SORCS1: variants seen among roughly 807,000 people sequenced by gnomAD.
The protein encoded by SORCS1 is sortilin related VPS10 domain containing receptor 1, also known as VPS10 domain-containing receptor SorCS1.
In SORCS1, 60 loss-of-function variants were observed where a neutral mutation model predicts 146.1. The ratio of observed to expected loss-of-function variants is 0.41; its 90% CI spans 0.33 to 0.51. The LOEUF (loss-of-function observed/expected upper bound fraction) is 0.51. Among genes scored for constraint, SORCS1 ranks in the 20% least tolerant of loss-of-function variants. The pLI, the probability that SORCS1 is intolerant of heterozygous loss-of-function variation, is 0.21. For missense variants in SORCS1, 1,352 were observed against 1,487.6 expected, an observed-to-expected ratio of 0.91 and a Z score of 1.50; for synonymous variants, 637 against 584.0, an observed-to-expected ratio of 1.09 and a Z score of -1.31.
chr10:107,129,300 T>A (rs1966845960), intron 1 of SORCS1, among the ~76,000 whole-genome samples: 1 of 152,214 alleles, frequency 6.6e-6, no homozygotes, highest in East Asian at 1.9e-4. Context: ...CAAAAATAAA[T>A]TTAACTAGAA....
At chr10:106,888,478 T>C (rs1335350056) in intron 2 of SORCS1, among the ~76,000 whole-genome samples, 1 of 80,472 alleles carries the variant, frequency 1.2e-5, no homozygotes, top group Non-Finnish European at 3.9e-5. Context: ...GGGTCAGTAT[T>C]TAGCTAAGTA....
In SORCS1 at chr10:106,705,903, C is replaced by T. The variant is rs138181650; in HGVS notation, c.1233+642G>A. On this transcript the variant is annotated intron_variant, in intron 8 of 25. Transcript: ENST00000263054. ...TTGGGGAAGTCTAAAAAATTAGCTG[C>T]GACTCAGAACTCTAAAGACAACCAG... 6.2e-3 allele frequency among the ~76,000 whole-genome samples: 936 copies of T among 152,192 alleles called. 9 individuals carry two copies. In the Middle Eastern group the frequency reaches 0.071, roughly 12 times the overall value.
chr10:106,642,102 G>C (rs1849109547), intron 18 of SORCS1, among the ~76,000 whole-genome samples: 1 of 152,172 alleles, frequency 6.6e-6, no homozygotes, highest in Non-Finnish European at 1.5e-5. Context: ...ATGCAGAGGA[G>C]ATGGAAATTA....
chr10:106,947,848 A>G lies in SORCS1; in HGVS notation c.626+8665T>C, dbSNP rs550201091. Among the ~76,000 whole-genome samples the G allele has an allele frequency of 8.5e-4, 129 of 152,292 alleles. 2 individuals carry two copies. Among genetic ancestry groups the G allele is most frequent in the African/African-American group, 2.9e-3 (119 of 41,570 alleles). On this transcript the variant is annotated intron_variant, in intron 2 of 25. Coordinates refer to ENST00000263054, the MANE Select transcript of SORCS1 (RefSeq NM_052918.5). ...AGTGAAACTCCATCTCAAAAAAAAA[A>G]AAGAGAAAAAGAAACTAGAGCTACA...
At chr10:107,096,721 A>G (rs1269659888) in intron 1 of SORCS1, among the ~76,000 whole-genome samples, 1 of 152,156 alleles carries the variant, frequency 6.6e-6, no homozygotes, top group African/African-American at 2.4e-5. Flanking sequence ...CATTTTGGCC[A>G]GGCTGGTCTC....
chr10:107,071,922 C>A (rs992268635), intron 1 of SORCS1, among the ~76,000 whole-genome samples: 1 of 152,122 alleles, frequency 6.6e-6, no homozygotes, highest in African/African-American at 2.4e-5. Flanking sequence ...AACAGGTTGG[C>A]AATATGAAAA....
chr10:106,891,770 AT>A (rs1185168599), intron 2 of SORCS1, among the ~76,000 whole-genome samples: 1 of 152,152 alleles, frequency 6.6e-6, no homozygotes, highest in Non-Finnish European at 1.5e-5. Context: ...TTTTGTCTTA[AT>A]TTAGGGCTTC....
chr10:106,873,577 C>A lies in SORCS1; in HGVS notation c.627-43904G>T, dbSNP rs374779134. 1.9e-3 allele frequency among the ~76,000 whole-genome samples: 283 copies of A among 152,170 alleles called. 3 individuals carry two copies. Among genetic ancestry groups the A allele is most frequent in the African/African-American group, 3.8e-3 (159 of 41,508 alleles). On this transcript the variant is annotated intron_variant, in intron 2 of 25. Transcript: ENST00000263054. Reference sequence around the variant, plus strand: ...TAAACTCTTCCTAAACCATTTTGGCCCTATGACTTATTTATTACCCCTGCC... The same window carrying A: ...TAAACTCTTCCTAAACCATTTTGGCACTATGACTTATTTATTACCCCTGCC...
rs61734226 is a variant in SORCS1, at chr10:106,652,491, G to C, written c.2366C>G (p.Pro789Arg). The C allele has an allele frequency of 5.0e-6, 8 of 1,614,068 alleles. No homozygotes were observed. The Admixed American group carries it at 1.0e-4, about 20-fold the overall frequency. Residue 789 changes from proline to arginine, a missense_variant, in exon 18 of 26, where the codon CCG becomes CGG. By Grantham distance (103) the Pro-to-Arg change is moderately radical. Transcript: ENST00000263054. The part of the protein sequence containing the change: ...DGVREQYTAK[P>R]QKCPGKAPRG... ...CGGGGCTTTCCCTGGGCACTTCTGCGGTTTGGCAGTGTACTGTTCCCTTAC... is the reference window on the plus strand; with the variant it reads ...CGGGGCTTTCCCTGGGCACTTCTGCCGTTTGGCAGTGTACTGTTCCCTTAC...
At chr10:107,153,757 C>T (rs1184033316) in intron 1 of SORCS1, among the ~76,000 whole-genome samples, 4 of 152,164 alleles carry the variant, frequency 2.6e-5, no homozygotes, top group Non-Finnish European at 5.9e-5. Flanking sequence ...TTTGCTCTCT[C>T]TTTCATTTAT....
intron 1 of SORCS1, among the ~76,000 whole-genome samples, chr10:107,022,838 T>C (rs561477280): frequency 1.3e-5 from 2 of 152,300 alleles, no homozygotes; most frequent in South Asian, 2.1e-4. Flanking sequence ...TTCTGGGTCT[T>C]ACCTCCAAGA....
rs1346209155 is a variant in SORCS1 at position 106,925,589 on chromosome 10, C to T, written c.626+30924G>A. Among the ~76,000 whole-genome samples, 4 of 152,172 alleles carry T rather than the reference C, an allele frequency of 2.6e-5. No individual in the cohort carries two copies. In the East Asian group the frequency reaches 5.8e-4, roughly 22 times the overall value. ...AGCAGCAATCTCTTCCCTCACTGTT[C>T]CCTCCACTTAACAAAGGCTTTTGAG... On this transcript the variant is annotated intron_variant, in intron 2 of 25. Coordinates refer to ENST00000263054, the MANE Select transcript of SORCS1 (RefSeq NM_052918.5).
chr10:106,724,318 C>T (rs951327485), intron 6 of SORCS1, among the ~76,000 whole-genome samples: 2 of 152,010 alleles, frequency 1.3e-5, no homozygotes, highest in African/African-American at 2.4e-5. Flanking sequence ...ACCAGTCTGA[C>T]CAACATGGTG....
intron 2 of SORCS1, among the ~76,000 whole-genome samples, chr10:106,871,243 C>G (rs886627035): frequency 6.6e-6 from 1 of 152,198 alleles, no homozygotes. Context: ...CACTTATACA[C>G]TATTGGTGGG....
chr10:106,604,603 T>C (rs914967055), intron 23 of SORCS1, among the ~76,000 whole-genome samples: 1 of 152,242 alleles, frequency 6.6e-6, no homozygotes, highest in Non-Finnish European at 1.5e-5. Context: ...TTTCTTTTCA[T>C]GCTATAAATC....
At chr10:106,738,952 T>C (rs1264801027) in intron 5 of SORCS1, among the ~76,000 whole-genome samples, 6 of 152,144 alleles carry the variant, frequency 3.9e-5, no homozygotes, top group Admixed American at 2.0e-4. Flanking sequence ...CCTCCCAAAG[T>C]TCTGAGATGA....
intron 3 of SORCS1, among the ~76,000 whole-genome samples, chr10:106,827,287 C>T (rs183498242): frequency 2.6e-5 from 4 of 151,436 alleles, no homozygotes; most frequent in Admixed American, 2.0e-4. Context: ...AGGTCTCTTC[C>T]AGGCATAAAT....
At position 106,657,689 on chromosome 10, in the gene SORCS1, G is replaced by A. The variant is rs948561059; in HGVS notation, c.2304-5136C>T. ...TGTGTGTGTGTGTGTGTGTGTGTGT[G>A]TATTTTTTTCAAGAAAATAAATAAA... On this transcript the variant is annotated intron_variant, in intron 17 of 25. Coordinates refer to ENST00000263054, the MANE Select transcript of SORCS1 (RefSeq NM_052918.5). 6.4e-4 allele frequency among the ~76,000 whole-genome samples: 80 copies of A among 124,774 alleles called. 1 individual carries two copies. The highest frequency in any genetic ancestry group is 1.2e-3 in the Non-Finnish European group (68 of 58,262). 81.9% of individuals were successfully genotyped at this position (124,774 alleles called of 152,430 possible).
intron 1 of SORCS1, among the ~76,000 whole-genome samples, chr10:107,108,292 A>C (rs1271230251): frequency 6.6e-6 from 1 of 152,230 alleles, no homozygotes; most frequent in Non-Finnish European, 1.5e-5. Context: ...TTATAAAGAA[A>C]AGATGTTTAA....
Sources: allele counts gnomAD v4.1 joint callset (sites outside exome capture counted in the v4.1 genomes callset), GRCh38; gene constraint gnomAD v4.1.1; transcripts MANE v1.5; gene names NCBI Gene and HGNC (gene_info 2026-07-23, HGNC 2026-07-21).